Variants in NAA11 observed in about 807,000 individuals in gnomAD.
The protein encoded by NAA11 is N-alpha-acetyltransferase 11.
Under a neutral mutation model 16.1 loss-of-function variants are expected in NAA11, and 15 were observed. The ratio of observed to expected loss-of-function variants is 0.93; its 90% CI spans 0.62 to 1.44. The LOEUF (loss-of-function observed/expected upper bound fraction) is 1.44. NAA11 is among the 40% of genes most tolerant of loss of function. NAA11 has a pLI of 0.00. For missense variants in NAA11, 298 were observed against 291.3 expected (o/e 1.02, Z -0.17); for synonymous variants, 122 against 112.4 (o/e 1.09, Z -0.54).
intron 1 of NAA11, among the ~76,000 whole-genome samples, chr4:79,324,814 G>T (rs1390415050): frequency 6.6e-6 from 1 of 151,944 alleles, no homozygotes; most frequent in African/African-American, 2.4e-5. Context: ...ATCAAGAGTT[G>T]GAAAATGATG....
At chr4:79,298,148 C>T (rs1368280809) in intron 1 of NAA11, among the ~76,000 whole-genome samples, 1 of 152,194 alleles carries the variant, frequency 6.6e-6, no homozygotes, top group Non-Finnish European at 1.5e-5. Context: ...CTCATCTGGA[C>T]ACCCTGGCTG....
chr4:79,321,562 G>A (rs886182421), intron 1 of NAA11, among the ~76,000 whole-genome samples: 26 of 152,038 alleles, frequency 1.7e-4, no homozygotes, highest in Non-Finnish European at 1.3e-4. Flanking sequence ...CTTGGATTTG[G>A]AACAAAAACA....
the NAA11 span, among the ~76,000 whole-genome samples, chr4:79,185,638 A>G: frequency 6.6e-6 from 1 of 152,210 alleles, no homozygotes; most frequent in African/African-American, 2.4e-5. Context: ...TTCCTCCCCA[A>G]TTAAAAGTCT....
the NAA11 span, among the ~76,000 whole-genome samples, chr4:79,214,297 TA>T: frequency 6.6e-6 from 1 of 152,162 alleles, no homozygotes; most frequent in Non-Finnish European, 1.5e-5. Flanking sequence ...TGACAGAATT[TA>T]GTTGGATCTT....
the NAA11 span, among the ~76,000 whole-genome samples, chr4:79,169,478 C>G: frequency 6.6e-6 from 1 of 152,148 alleles, no homozygotes; most frequent in Non-Finnish European, 1.5e-5. Flanking sequence ...TGATCTTTGA[C>G]AAACCTGACA....
chr4:79,324,975 A>G (rs1724214187), intron 1 of NAA11, among the ~76,000 whole-genome samples: 1 of 152,222 alleles, frequency 6.6e-6, no homozygotes, highest in East Asian at 1.9e-4. Flanking sequence ...TTTCAGCATG[A>G]GCTGGTATCC....
At chr4:79,220,439 G>GTGTC in the NAA11 span, among the ~76,000 whole-genome samples, 2 of 76,738 alleles carry the variant, frequency 2.6e-5, no homozygotes, top group Admixed American at 2.5e-4. Context: ...GTGTGTGTCT[G>GTGTC]TGTGTGTGTG....
chr4:79,321,242 TC>T (rs1724079905), intron 1 of NAA11, among the ~76,000 whole-genome samples: 2 of 152,178 alleles, frequency 1.3e-5, no homozygotes, highest in Non-Finnish European at 2.9e-5. Flanking sequence ...AAGCAAAACT[TC>T]TCAAAGTCCA....
downstream of NAA11, among the ~76,000 whole-genome samples, chr4:79,222,971 C>CA (rs1394754646): frequency 7.0e-6 from 1 of 143,550 alleles, no homozygotes; most frequent in Non-Finnish European, 1.5e-5. Flanking sequence ...GTTAGAATGG[C>CA]AATCATTAAA....
the NAA11 span, among the ~76,000 whole-genome samples, chr4:79,217,270 C>T: frequency 3.3e-3 from 509 of 152,248 alleles, 1 homozygote; most frequent in African/African-American, 0.012. Flanking sequence ...GAACTGGCCT[C>T]CTAGGCTCAT....
chr4:79,311,279 TAAC>T (rs1417282293), intron 1 of NAA11, among the ~76,000 whole-genome samples: 3 of 152,206 alleles, frequency 2.0e-5, no homozygotes, highest in East Asian at 1.9e-4. Context: ...CCAATTATTA[TAAC>T]AACTACTTTA....
intron 1 of NAA11, among the ~76,000 whole-genome samples, chr4:79,323,951 C>T (rs956323210): frequency 1.3e-4 from 19 of 151,408 alleles, no homozygotes; most frequent in African/African-American, 4.6e-4. Flanking sequence ...TGCAGTGAGC[C>T]GAGATCGCGC....
intron 2 of NAA11, among the ~76,000 whole-genome samples, chr4:79,254,436 G>A (rs1722058284): frequency 6.6e-6 from 1 of 152,056 alleles, no homozygotes; most frequent in Non-Finnish European, 1.5e-5. Context: ...TAAAGACCAA[G>A]GTAAACCATG....
At chr4:79,264,763 T>C (rs1261759367) in intron 2 of NAA11, among the ~76,000 whole-genome samples, 1 of 152,190 alleles carries the variant, frequency 6.6e-6, no homozygotes, top group Non-Finnish European at 1.5e-5. Context: ...CATCCTTACC[T>C]TTCTCTAAAT....
rs144602404 is a variant in NAA11, at chr4:79,303,377, T to C, written c.*13-9263A>G. 6.2e-3 allele frequency among the ~76,000 whole-genome samples: 939 copies of C among 152,084 alleles called. 8 individuals carry two copies. Among genetic ancestry groups the C allele is most frequent in the African/African-American group, 0.022 (900 of 41,454 alleles). On this transcript the variant is annotated intron_variant and NMD_transcript_variant, in intron 1 of 2. Transcript: ENST00000511542. ...CTCTGTCGCTCAGGCTGGAGTGCAG[T>C]GGCATAATCATGATCACTGCAGCCT...
chr4:79,182,322 G>A, the NAA11 span, among the ~76,000 whole-genome samples: 1 of 152,238 alleles, frequency 6.6e-6, no homozygotes, highest in African/African-American at 2.4e-5. Context: ...GCCAAAGGGT[G>A]AGAATGTTTA....
At chr4:79,167,162 G>GA in the NAA11 span, among the ~76,000 whole-genome samples, 1 of 19,088 alleles carries the variant, frequency 5.2e-5, no homozygotes, top group Non-Finnish European at 1.3e-4. Context: ...ATATGTATAT[G>GA]GAGAGAGAGA....
chr4:79,208,946 AAC>A, the NAA11 span, among the ~76,000 whole-genome samples: 773 of 148,710 alleles, frequency 5.2e-3, 4 homozygotes, highest in African/African-American at 0.018. Context: ...AAAAAAAAAA[AAC>A]CCCAAAAAAC....
chr4:79,172,890 A>G, the NAA11 span, among the ~76,000 whole-genome samples: 3 of 152,132 alleles, frequency 2.0e-5, no homozygotes, highest in Non-Finnish European at 4.4e-5. Flanking sequence ...CTCAACTGTT[A>G]TTTTACAGCT....
Sources: gnomAD v4.1 joint callset for allele counts (sites outside exome capture counted in the v4.1 genomes callset) on GRCh38, gnomAD v4.1.1 for gene constraint, MANE v1.5 for transcripts, NCBI Gene and HGNC (gene_info 2026-07-23, HGNC 2026-07-21) for gene names.